The following CCDC15 variants were observed in gnomAD, a reference collection of about 807,000 sequenced individuals.
The protein encoded by CCDC15 is coiled-coil domain containing 15.
A neutral mutation model predicts 114.5 loss-of-function variants in CCDC15; 105 were observed. That is an observed-to-expected ratio of 0.92 (90% CI 0.78 to 1.08). CCDC15 has a LOEUF of 1.08. CCDC15 is among the 50% of genes least tolerant of loss of function. The probability of loss-of-function intolerance (pLI) is 0.00; values close to 1 mark genes in which losing one functional copy is unlikely to be tolerated. For synonymous variants in CCDC15, 334 were observed against 377.8 expected (o/e 0.88, Z 1.34); for missense variants, 1,105 against 1,093.6 (o/e 1.01, Z -0.15).
Position 125,018,319 on chromosome 11 carries a change from G to A in CCDC15, c.2411+13107G>A, listed in dbSNP as rs146157022. ...TCCAGTCCAGTAATGTACTGTACAG[G>A]CTTGTAGCCAAGGAACAATGAGGCT... On this transcript the variant is annotated intron_variant, in intron 13 of 15. Transcript: ENST00000344762. Among the ~76,000 whole-genome samples, 15 of 152,166 alleles carry A rather than the reference G, an allele frequency of 9.9e-5. No homozygotes were observed. The East Asian group carries it at 2.7e-3, about 27-fold the overall frequency.
intron 4 of CCDC15, among the ~76,000 whole-genome samples, chr11:124,965,778 A>G (rs1947766902): frequency 1.3e-5 from 2 of 152,152 alleles, no homozygotes; most frequent in African/African-American, 4.8e-5. Flanking sequence ...GTGGGCATTT[A>G]GTGCTATAAA....
At chr11:124,994,586 G>A (rs1383574009) in intron 11 of CCDC15, among the ~76,000 whole-genome samples, 1 of 152,056 alleles carries the variant, frequency 6.6e-6, no homozygotes, top group African/African-American at 2.4e-5. Context: ...CTGAGGGCAG[G>A]GGTTATGAGG....
At chr11:125,039,444 T>C (rs1948801004) in intron 15 of CCDC15, 1 of 165,776 alleles carries the variant, frequency 6.0e-6, no homozygotes, top group African/African-American at 2.4e-5. Context: ...TATTACCATA[T>C]ATATCCACAT....
At chr11:124,973,172 G>C (rs1947912326) in intron 4 of CCDC15, among the ~76,000 whole-genome samples, 1 of 152,120 alleles carries the variant, frequency 6.6e-6, no homozygotes, top group Admixed American at 6.5e-5. Context: ...GAAATATCCT[G>C]CTTAAGGGCC....
intron 13 of CCDC15, among the ~76,000 whole-genome samples, chr11:125,035,129 C>T (rs186569988): frequency 7.2e-5 from 11 of 152,070 alleles, no homozygotes; most frequent in Admixed American, 7.2e-4. Context: ...CTAGTCTATT[C>T]ACGTTCTTCT....
Position 124,959,214 on chromosome 11 carries a change from C to A in CCDC15, c.277C>A (p.Gln93Lys). 1.9e-6 allele frequency: 3 copies of A among 1,584,372 alleles called. No individual in the cohort carries two copies. Among genetic ancestry groups the A allele is most frequent in the African/African-American group, 1.4e-5 (1 of 73,386 alleles). ...FQKQVKYRVN[Q>K]QIRLRKKQQL... The stretch of plus-strand genomic sequence containing the variant: ...GAAACAAGTTAAATACCGAGTAAAT[C>A]AACAAATTAGGTTGAGAAAAAAGCA... Residue 93 changes from glutamine to lysine, a missense_variant, in exon 3 of 16, where the codon CAA becomes AAA. Coordinates refer to ENST00000344762, the MANE Select transcript of CCDC15 (RefSeq NM_025004.3).
chr11:124,999,727 G>C (rs555578721), intron 11 of CCDC15, among the ~76,000 whole-genome samples: 13 of 151,454 alleles, frequency 8.6e-5, no homozygotes, highest in African/African-American at 2.2e-4. Flanking sequence ...TGCTTTAAAA[G>C]TTTTGTCTGT....
intron 11 of CCDC15, among the ~76,000 whole-genome samples, chr11:125,003,581 A>G (rs574198592): frequency 2.0e-5 from 3 of 152,036 alleles, no homozygotes; most frequent in Non-Finnish European, 4.4e-5. Context: ...ATTTCAAGTG[A>G]CCACTTTAAA....
chr11:124,974,566 G>A (rs1266418792), intron 4 of CCDC15, among the ~76,000 whole-genome samples: 1 of 152,172 alleles, frequency 6.6e-6, no homozygotes, highest in Non-Finnish European at 1.5e-5. Flanking sequence ...AAGAGGAAGG[G>A]AGATTCAAGA....
chr11:124,971,959 G>A (rs763491193), intron 4 of CCDC15, among the ~76,000 whole-genome samples: 3 of 151,766 alleles, frequency 2.0e-5, no homozygotes, highest in Non-Finnish European at 4.4e-5. Flanking sequence ...TTCCACTCCC[G>A]TCCTCTCTTT....
chr11:125,029,303 A>G (rs1948723428), intron 13 of CCDC15, among the ~76,000 whole-genome samples: 1 of 152,188 alleles, frequency 6.6e-6, no homozygotes, highest in South Asian at 2.1e-4. Flanking sequence ...CAAGTCTACC[A>G]CTTGTCAACT....
intron 8 of CCDC15, among the ~76,000 whole-genome samples, chr11:124,989,670 G>C: frequency 6.6e-6 from 1 of 152,178 alleles, no homozygotes; most frequent in East Asian, 1.9e-4. Context: ...ATAACTTGCT[G>C]TAGCCTCTCA....
In CCDC15 at chr11:124,977,590, T is replaced by G; in HGVS notation, c.743T>G (p.Met248Arg). 8 of 1,602,288 alleles carry G rather than the reference T, an allele frequency of 5.0e-6. No individual in the cohort carries two copies. Among genetic ancestry groups the G allele is most frequent in the Non-Finnish European group, 6.8e-6 (8 of 1,175,104 alleles). ...LLAAVPYQNY[M>R]ENQELDYEEP... ...GCTGCTGTACCTTACCAGAATTATA[T>G]GGAAAATCAGGTAGGGAAATATAAA... Residue 248 changes from methionine (M) to arginine (R), a missense_variant, in exon 6 of 16, where the codon ATG (methionine) becomes AGG (arginine). Transcript: ENST00000344762.
At chr11:125,011,059 T>G (rs1170527483) in intron 13 of CCDC15, among the ~76,000 whole-genome samples, 1 of 152,056 alleles carries the variant, frequency 6.6e-6, no homozygotes, top group Non-Finnish European at 1.5e-5. Context: ...GTCCTTTCCC[T>G]AATGGGTAGT....
chr11:125,026,423 G>A (rs551618476), intron 13 of CCDC15, among the ~76,000 whole-genome samples: 13 of 152,274 alleles, frequency 8.5e-5, no homozygotes, highest in African/African-American at 2.9e-4. Context: ...CTTCTGTTGG[G>A]GAATGAGAAA....
At chr11:125,040,414 A>G (rs2135546385) in intron 15 of CCDC15, among the ~76,000 whole-genome samples, 176 bp from the exon 16 acceptor site, 1 of 152,246 alleles carries the variant, frequency 6.6e-6, no homozygotes, top group East Asian at 1.9e-4. Flanking sequence ...CATACTCTTT[A>G]TTATTTTTTC....
At position 124,972,620 on chromosome 11, in the gene CCDC15, T is replaced by C. The variant is rs369034329; in HGVS notation, c.517-2476T>C. On this transcript the variant is annotated intron_variant, in intron 4 of 15. Transcript: ENST00000344762. Reference sequence around the variant, plus strand: ...TAATAACTTAAAAAATTACAGAAATTTATTATCTCTCAGTTCTGGAGGCCA... The same window carrying C: ...TAATAACTTAAAAAATTACAGAAATCTATTATCTCTCAGTTCTGGAGGCCA... 1.8e-4 allele frequency among the ~76,000 whole-genome samples: 27 copies of C among 152,266 alleles called. No individual in the cohort carries two copies. In the East Asian group the frequency reaches 2.5e-3, roughly 14 times the overall value.
intron 11 of CCDC15, among the ~76,000 whole-genome samples, chr11:124,997,713 G>A (rs1477751446): frequency 6.6e-6 from 1 of 152,186 alleles, no homozygotes; most frequent in Non-Finnish European, 1.5e-5. Context: ...AGGCTGAGGT[G>A]AACGGATCAC....
At chr11:125,027,570 G>A (rs1018880057) in intron 13 of CCDC15, among the ~76,000 whole-genome samples, 9 of 150,826 alleles carry the variant, frequency 6.0e-5, no homozygotes, top group Non-Finnish European at 1.3e-4. Flanking sequence ...CCCTTTGCCC[G>A]CTTTTTGATG....
Sources: gnomAD v4.1 joint callset for allele counts (sites outside exome capture counted in the v4.1 genomes callset) on GRCh38, gnomAD v4.1.1 for gene constraint, MANE v1.5 for transcripts, NCBI Gene and HGNC (gene_info 2026-07-23, HGNC 2026-07-21) for gene names.